Variants in USP24 observed in about 807,000 individuals in gnomAD.
USP24 encodes ubiquitin specific peptidase 24.
USP24 carries 97 observed loss-of-function variants against 361.6 expected under a neutral mutation model. The ratio of observed to expected loss-of-function variants is 0.27; its 90% CI spans 0.23 to 0.32. The LOEUF (loss-of-function observed/expected upper bound fraction) is 0.32, where lower values mean the gene tolerates loss of function less well. USP24 is among the 10% of genes least tolerant of loss of function. The pLI is 1.00. For missense variants in USP24, 2,353 were observed against 3,165.6 expected (o/e 0.74, Z 6.16); for synonymous variants, 1,098 against 1,124.6 (o/e 0.98, Z 0.47).
intron 1 of USP24, among the ~76,000 whole-genome samples, chr1:55,183,811 G>C (rs970600211): frequency 3.9e-5 from 6 of 151,984 alleles, no homozygotes; most frequent in Non-Finnish European, 8.8e-5. Flanking sequence ...GATGTAAAAA[G>C]ATATCATACA....
Position 55,096,538 on chromosome 1 carries a change from T to A in USP24, c.6021A>T (p.Glu2007Asp). ...FDLNDETLEY[E>D]CFGGEYRPKV... ...TTGGTCTATATTCTCCTCCAAAGCA[T>A]TCATACTCCAGGGTCTCGTCATTTA... The change falls in exon 50 of 68, where the codon GAA becomes GAT. Residue 2007 changes from glutamate to aspartate, a missense_variant. Glu to Asp is a conservative substitution (Grantham distance 45, BLOSUM62 2). Coordinates refer to ENST00000294383, the MANE Select transcript of USP24 (RefSeq NM_015306.3). 6.2e-7 allele frequency: 1 copy of A among 1,612,460 alleles called. No individual in the cohort carries two copies. The highest frequency in any genetic ancestry group is 8.5e-7 in the Non-Finnish European group (1 of 1,179,322).
At chr1:55,086,410 G>C in intron 55 of USP24, 2 of 231,004 alleles carry the variant, frequency 8.7e-6, no homozygotes, top group Non-Finnish European at 1.7e-5. Context: ...GAGCTCTACA[G>C]AGCAAACAGT....
rs1217113178 is a variant in USP24 at position 55,172,386 on chromosome 1, C to T, written c.693G>A (p.Val231=). ...TTTAGAGATACTATACCATTGTAAG[C>T]ACACCCAGGAGACCAGTGGGAATTG... ...QDPIPTGLLG[V]LTMAFNPDNE... The change falls in exon 4 of 68, where the codon GTG becomes GTA. Residue 231 remains valine, a synonymous_variant. Transcript: ENST00000294383. The T allele has an allele frequency of 6.2e-7, 1 of 1,611,074 alleles. No homozygotes were observed. The highest frequency in any genetic ancestry group is 1.7e-5 in the Admixed American group (1 of 59,578).
chr1:55,146,107 C>T lies in USP24; in HGVS notation c.2253G>A (p.Met751Ile). ...GTCCTTTTGTAAACCATTCAAAACACATCTGTGGAATAAGACGAATATCAC... is the reference window on the plus strand; with the variant it reads ...GTCCTTTTGTAAACCATTCAAAACATATCTGTGGAATAAGACGAATATCAC... Reference protein sequence around the residue: ...GQDVCELDREMCFEWFTKGQH... With the variant: ...GQDVCELDREICFEWFTKGQH... The change falls in exon 20 of 68, where the codon ATG (methionine) becomes ATA (isoleucine). Residue 751 changes from methionine (M) to isoleucine (I), a missense_variant and splice_region_variant. This residue lies in a region of USP24 where 949 missense variants were observed against 1,280.5 expected (regional missense o/e 0.74). Transcript: ENST00000294383. 1 of 1,610,438 alleles carries T rather than the reference C, an allele frequency of 6.2e-7. No homozygotes were observed.
intron 38 of USP24, 149 bp from the exon 39 acceptor site, chr1:55,110,395 A>G: frequency 1.6e-6 from 1 of 613,622 alleles, no homozygotes; most frequent in South Asian, 2.4e-5. Context: ...TCCATATTTT[A>G]GCAAGAAGCA....
rs1462161522 is a variant in USP24 at position 55,066,706 on chromosome 1, AG to A, written c.*2338del. ...CGCTGGGATGCTTGTTTTCTTTCCCAGGATGCCTTCAACGGGCAGAATCGGC... is the reference window on the plus strand; with the variant it reads ...CGCTGGGATGCTTGTTTTCTTTCCCAGATGCCTTCAACGGGCAGAATCGGC... On this transcript the variant is annotated 3_prime_UTR_variant, in exon 68 of 68. Transcript: ENST00000294383. The A allele has an allele frequency of 6.6e-6, 1 of 152,198 alleles. No individual in the cohort carries two copies. Among genetic ancestry groups the A allele is most frequent in the Admixed American group, 6.5e-5 (1 of 15,276 alleles). 9.4% of individuals were successfully genotyped at this position (152,198 alleles called of 1,614,324 possible).
chr1:55,171,942 C>T (rs940026594), intron 4 of USP24, among the ~76,000 whole-genome samples: 4 of 152,014 alleles, frequency 2.6e-5, no homozygotes, highest in Admixed American at 1.3e-4. Context: ...GATGCCAATG[C>T]CCCAAGTGTG....
At chr1:55,208,912 G>T (rs10888901) in intron 1 of USP24, among the ~76,000 whole-genome samples, 1 of 151,804 alleles carries the variant, frequency 6.6e-6, no homozygotes, top group Non-Finnish European at 1.5e-5. Context: ...CTCCAGCCTG[G>T]GTGAAAGAGC....
intron 45 of USP24, among the ~76,000 whole-genome samples, chr1:55,099,537 G>A (rs894750619): frequency 6.6e-6 from 1 of 151,856 alleles, no homozygotes; most frequent in Admixed American, 6.6e-5. Flanking sequence ...CACTCTGGGT[G>A]ACAGAGCGAG....
chr1:55,109,081 T>C (rs1054189657), intron 39 of USP24, among the ~76,000 whole-genome samples: 11 of 152,214 alleles, frequency 7.2e-5, no homozygotes, highest in Non-Finnish European at 1.3e-4. Flanking sequence ...CTCTGCCTCC[T>C]GGGTTCAAGC....
In USP24 at chr1:55,154,445, T is replaced by G; in HGVS notation, c.1576A>C (p.Arg526=). The G allele has an allele frequency of 5.2e-6, 8 of 1,551,488 alleles. No homozygotes were observed. Among genetic ancestry groups the G allele is most frequent in the Non-Finnish European group, 7.0e-6 (8 of 1,146,820 alleles). Residue 526 remains arginine, a synonymous_variant, in exon 14 of 68, where the codon AGA becomes CGA. Transcript: ENST00000294383. ...AGGCTCAAAAGCTTCTGTCTTACTC[T>G]ATCACTCTCAGTCTCCCAGCTCTGT... is the stretch of plus-strand genomic sequence containing the variant. ...IQKSWETESD[R]VRQKLLSLIG...
At chr1:55,087,852 G>A in intron 55 of USP24, among the ~76,000 whole-genome samples, 1 of 152,222 alleles carries the variant, frequency 6.6e-6, no homozygotes, top group East Asian at 1.9e-4. Context: ...TATTCACGCT[G>A]ATGTCTGAAG....
At chr1:55,071,101 G>C (rs1249738661) in intron 67 of USP24, 1 of 975,762 alleles carries the variant, frequency 1.0e-6, no homozygotes, top group Non-Finnish European at 1.2e-6. Context: ...TAGTGCTTAT[G>C]AGGATCCGAA....
chr1:55,185,750 G>C (rs1163003247), intron 1 of USP24, among the ~76,000 whole-genome samples: 1 of 127,518 alleles, frequency 7.8e-6, no homozygotes, highest in Non-Finnish European at 1.7e-5. Flanking sequence ...TTTTTTTTTT[G>C]TAGAGACAGG....
chr1:55,208,353 T>C (rs1644762741), intron 1 of USP24, among the ~76,000 whole-genome samples: 1 of 152,056 alleles, frequency 6.6e-6, no homozygotes, highest in Non-Finnish European at 1.5e-5. Context: ...GTTGGCCAGG[T>C]GCGGAGGCTC....
At chr1:55,116,034 G>T (rs1646105930) in intron 38 of USP24, among the ~76,000 whole-genome samples, 1 of 152,136 alleles carries the variant, frequency 6.6e-6, no homozygotes, top group African/African-American at 2.4e-5. Flanking sequence ...GGCAGGCTAG[G>T]GGAGGGATAG....
intron 1 of USP24, among the ~76,000 whole-genome samples, chr1:55,189,756 T>C (rs1051550119): frequency 2.0e-5 from 3 of 152,202 alleles, no homozygotes; most frequent in East Asian, 1.9e-4. Context: ...GTTCAATGAT[T>C]ATAGTCACTA....
At chr1:55,079,764 C>T (rs1645106088) in intron 59 of USP24, 105 bp from the exon 60 acceptor site, 1 of 1,418,730 alleles carries the variant, frequency 7.0e-7, no homozygotes, top group Non-Finnish European at 9.2e-7. Flanking sequence ...CGCACACACA[C>T]TGAGTACTCT....
intron 18 of USP24, 93 bp from the exon 19 acceptor site, chr1:55,147,153 G>T: frequency 8.1e-7 from 1 of 1,230,426 alleles, no homozygotes; most frequent in Non-Finnish European, 1.1e-6. Flanking sequence ...TTTAACAACA[G>T]TTTTACTTAA....
Sources: allele counts gnomAD v4.1 joint callset (sites outside exome capture counted in the v4.1 genomes callset), GRCh38; gene constraint gnomAD v4.1.1; regional missense constraint gnomAD v4.1.1; transcripts MANE v1.5; gene names NCBI Gene and HGNC (gene_info 2026-07-23, HGNC 2026-07-21).